Variants in ENPP3 observed in about 807,000 individuals in gnomAD.
ENPP3 encodes the protein ectonucleotide pyrophosphatase/phosphodiesterase 3.
In ENPP3, 104 loss-of-function variants were observed where a neutral mutation model predicts 117.8. The observed-to-expected ratio is 0.88, with a 90% CI of 0.75 to 1.04. ENPP3 has a LOEUF of 1.04. Ranked by LOEUF, ENPP3 falls within the 50% of genes least tolerant of loss-of-function variation. The pLI is 0.00. For synonymous variants in ENPP3, 380 were observed against 349.9 expected (o/e 1.09, Z -0.96); for missense variants, 1,026 against 1,051.9 (o/e 0.98, Z 0.34).
rs553271676 is a variant in ENPP3 at position 131,662,351 on chromosome 6, C to T, written c.562+3931C>T. On this transcript the variant is annotated intron_variant, in intron 6 of 24. Transcript: ENST00000357639. ...CCTCTGCCTCCCAGGCTTAAGCAAT[C>T]CCCTCAGCCTCCTAAGTAGTTGAGA... Among the ~76,000 whole-genome samples, 471 of 152,180 alleles carry T rather than the reference C, an allele frequency of 3.1e-3. 1 individual carries two copies. Among genetic ancestry groups the T allele is most frequent in the Non-Finnish European group, 5.7e-3 (391 of 68,016 alleles).
intron 6 of ENPP3, among the ~76,000 whole-genome samples, chr6:131,667,392 T>G (rs1778639999): frequency 6.6e-6 from 1 of 152,180 alleles, no homozygotes; most frequent in South Asian, 2.1e-4. Context: ...TTGGGGTTAT[T>G]GCCTGATTTC....
intron 2 of ENPP3, among the ~76,000 whole-genome samples, chr6:131,646,745 T>C (rs1778160997): frequency 3.1e-5 from 1 of 32,344 alleles, no homozygotes; most frequent in African/African-American, 4.9e-4. Context: ...AGCTCTTGGC[T>C]TTTTTTTTTT....
At chr6:131,641,385 A>G (rs1778036416) in intron 1 of ENPP3, 70 bp from the exon 2 acceptor site, 1 of 940,916 alleles carries the variant, frequency 1.1e-6, no homozygotes, top group African/African-American at 1.6e-5. Context: ...AATACTGAGA[A>G]AGGGTGGTTA....
intron 15 of ENPP3, among the ~76,000 whole-genome samples, chr6:131,694,770 G>T (rs1779363895): frequency 6.6e-6 from 1 of 151,274 alleles, no homozygotes; most frequent in South Asian, 2.1e-4. Flanking sequence ...GGAGGCGGAG[G>T]TTGCAGTGAG....
chr6:131,643,355 A>G (rs1778091184), intron 2 of ENPP3, among the ~76,000 whole-genome samples: 1 of 152,176 alleles, frequency 6.6e-6, no homozygotes, highest in Non-Finnish European at 1.5e-5. Flanking sequence ...ATGTCTGAAC[A>G]AAACCTCCTT....
At chr6:131,692,227 G>T (rs1779296344) in intron 14 of ENPP3, among the ~76,000 whole-genome samples, 1 of 151,912 alleles carries the variant, frequency 6.6e-6, no homozygotes, top group Non-Finnish European at 1.5e-5. Flanking sequence ...TTCTCAAAAT[G>T]GTCATGAGGG....
intron 17 of ENPP3, among the ~76,000 whole-genome samples, chr6:131,721,799 C>T (rs190909688): frequency 3.9e-5 from 6 of 152,216 alleles, no homozygotes; most frequent in South Asian, 2.1e-4. Context: ...GATATGCTTA[C>T]GAAACAAAGT....
chr6:131,641,433 T>C (rs1428819787), intron 1 of ENPP3, 22 bp from the exon 2 acceptor site: 7 of 1,556,042 alleles, frequency 4.5e-6, no homozygotes, highest in Middle Eastern at 3.4e-4. Flanking sequence ...TTATAAAAGT[T>C]ACTTTTTCCT....
intron 1 of ENPP3, chr6:131,638,485 C>T: frequency 2.2e-6 from 1 of 453,892 alleles, no homozygotes; most frequent in Non-Finnish European, 4.4e-6. Flanking sequence ...CTCACCACAA[C>T]CTCTGTTTCC....
intron 6 of ENPP3, among the ~76,000 whole-genome samples, chr6:131,667,203 T>C (rs1047322376): frequency 1.3e-5 from 2 of 152,160 alleles, no homozygotes; most frequent in Non-Finnish European, 2.9e-5. Flanking sequence ...GTGACTAATA[T>C]GCTACATCAA....
chr6:131,682,905 G>A, intron 11 of ENPP3, 149 bp from the exon 12 acceptor site: 1 of 623,234 alleles, frequency 1.6e-6, no homozygotes, highest in Non-Finnish European at 2.9e-6. Context: ...GAATATGGTA[G>A]CATGGGTGCT....
At chr6:131,741,848 A>C (rs1780534136) in intron 24 of ENPP3, among the ~76,000 whole-genome samples, 1 of 152,188 alleles carries the variant, frequency 6.6e-6, no homozygotes, top group Non-Finnish European at 1.5e-5. Flanking sequence ...CTTGGGATCT[A>C]GGCCAGATTG....
At chr6:131,662,260 T>C (rs1451110936) in intron 6 of ENPP3, among the ~76,000 whole-genome samples, 3 of 152,116 alleles carry the variant, frequency 2.0e-5, no homozygotes, top group Non-Finnish European at 4.4e-5. Flanking sequence ...TTTTTTTTTT[T>C]CTGAGATAGG....
At chr6:131,676,873 T>G in intron 10 of ENPP3, 72 bp downstream of exon 10, 1 of 976,538 alleles carries the variant, frequency 1.0e-6, no homozygotes, top group Non-Finnish European at 1.6e-6. Flanking sequence ...TTTTTTTTTT[T>G]TACTTTAAAT....
chr6:131,683,967 A>G (rs989616044), intron 12 of ENPP3, among the ~76,000 whole-genome samples: 4 of 151,976 alleles, frequency 2.6e-5, no homozygotes, highest in Non-Finnish European at 5.9e-5. Flanking sequence ...TAGCCCGGTT[A>G]GTCTCAATCT....
At chr6:131,696,285 A>T (rs1779403135) in intron 15 of ENPP3, among the ~76,000 whole-genome samples, 1 of 152,228 alleles carries the variant, frequency 6.6e-6, no homozygotes, top group Admixed American at 6.5e-5. Flanking sequence ...AACTAGAGAT[A>T]ACCAACAAAG....
intron 6 of ENPP3, 143 bp from the exon 7 acceptor site, chr6:131,671,105 C>G (rs1778730795): frequency 1.6e-6 from 1 of 614,864 alleles, no homozygotes; most frequent in Admixed American, 2.7e-5. Context: ...GCTTAGAGAC[C>G]AGAATTTCAA....
chr6:131,672,443 A>G (rs187327946), intron 7 of ENPP3, among the ~76,000 whole-genome samples: 1 of 152,304 alleles, frequency 6.6e-6, no homozygotes, highest in Non-Finnish European at 1.5e-5. Flanking sequence ...TTGCTGAGGT[A>G]TGAGTGATAG....
intron 14 of ENPP3, among the ~76,000 whole-genome samples, chr6:131,687,964 A>G (rs951633742): frequency 2.6e-5 from 4 of 152,042 alleles, no homozygotes; most frequent in African/African-American, 9.7e-5. Flanking sequence ...TAGATGTTGC[A>G]TTTTTTTACC....
Sources: gnomAD v4.1 joint callset for allele counts (sites outside exome capture counted in the v4.1 genomes callset) on GRCh38, gnomAD v4.1.1 for gene constraint, MANE v1.5 for transcripts, NCBI Gene and HGNC (gene_info 2026-07-23, HGNC 2026-07-21) for gene names.